The following PLCE1 variants were observed in gnomAD, a reference collection of about 807,000 sequenced individuals.
PLCE1 encodes the protein phospholipase C epsilon 1, also known as 1-phosphatidylinositol 4,5-bisphosphate phosphodiesterase epsilon-1.
A neutral mutation model predicts 242.8 loss-of-function variants in PLCE1; 119 were observed. The ratio of observed to expected loss-of-function variants is 0.49; its 90% CI spans 0.42 to 0.57. PLCE1 has a LOEUF of 0.57. Among genes scored for constraint, PLCE1 ranks in the 20% least tolerant of loss-of-function variants. The probability of loss-of-function intolerance (pLI) is 0.00; values close to 1 mark genes in which losing one functional copy is unlikely to be tolerated. For synonymous variants in PLCE1, 945 were observed against 1,017.4 expected (o/e 0.93, Z 1.35); for missense variants, 2,441 against 2,788.8 (o/e 0.88, Z 2.81).
chr10:93,999,967 G>A (rs879317415), intron 1 of PLCE1, among the ~76,000 whole-genome samples: 15 of 152,172 alleles, frequency 9.9e-5, no homozygotes, highest in Admixed American at 8.5e-4. Context: ...GGCTGCTTTT[G>A]TCTCTCAAGC....
At chr10:94,107,035 C>A (rs1381605420) in intron 2 of PLCE1, 1 of 140,916 alleles carries the variant, frequency 7.1e-6, no homozygotes, top group Non-Finnish European at 1.5e-5. Flanking sequence ...TTCTTTGATA[C>A]AATATTCACA....
intron 11 of PLCE1, among the ~76,000 whole-genome samples, chr10:94,256,405 A>C (rs2051104455): frequency 6.6e-6 from 1 of 152,032 alleles, no homozygotes; most frequent in South Asian, 2.1e-4. Context: ...ACAGTAAATT[A>C]TCTTTTAAAT....
At position 94,135,679 on chromosome 10, in the gene PLCE1, C is replaced by T. The variant is rs951410277; in HGVS notation, c.1492+3220C>T. Among the ~76,000 whole-genome samples, 7 of 152,028 alleles carry T rather than the reference C, an allele frequency of 4.6e-5. 1 individual carries two copies. The highest frequency in any genetic ancestry group is 7.4e-5 in the Non-Finnish European group (5 of 68,002). On this transcript the variant is annotated intron_variant, in intron 3 of 32. Transcript: ENST00000371380. ...ACAGTTGTGATCTGCACATTTCCCA[C>T]GAAATAAAGAGGAAAACACTATTGT...
intron 2 of PLCE1, among the ~76,000 whole-genome samples, chr10:94,069,581 C>G (rs1190249735): frequency 6.6e-6 from 1 of 152,120 alleles, no homozygotes; most frequent in Non-Finnish European, 1.5e-5. Flanking sequence ...CCACTGCACT[C>G]CAGCCTGGGC....
chr10:94,164,574 G>A (rs2047728557), intron 3 of PLCE1, among the ~76,000 whole-genome samples: 1 of 152,046 alleles, frequency 6.6e-6, no homozygotes, highest in East Asian at 1.9e-4. Context: ...CTTTGCCCTG[G>A]GTTTGAACTT....
chr10:94,303,003 A>G (rs2053089146), intron 24 of PLCE1, among the ~76,000 whole-genome samples: 1 of 152,242 alleles, frequency 6.6e-6, no homozygotes, highest in Non-Finnish European at 1.5e-5. Context: ...GTGAGGCAGC[A>G]TGGCCACAAT....
intron 8 of PLCE1, among the ~76,000 whole-genome samples, chr10:94,248,667 T>C (rs1223598880): frequency 1.6e-5 from 2 of 128,694 alleles, no homozygotes; most frequent in African/African-American, 6.0e-5. Flanking sequence ...TGTACTCAGC[T>C]GGAAAAAAAA....
At chr10:94,282,476 G>T (rs1015812198) in intron 20 of PLCE1, among the ~76,000 whole-genome samples, 1 of 152,208 alleles carries the variant, frequency 6.6e-6, no homozygotes, top group South Asian at 2.1e-4. Context: ...ACAATTCCAA[G>T]AAATTAATCT....
intron 4 of PLCE1, among the ~76,000 whole-genome samples, chr10:94,184,756 T>C (rs1379104296): frequency 6.6e-6 from 1 of 152,234 alleles, no homozygotes; most frequent in Non-Finnish European, 1.5e-5. Flanking sequence ...TTGTTGCCTC[T>C]GCAAAAGACC....
At chr10:94,176,380 A>G (rs1467092089) in intron 4 of PLCE1, among the ~76,000 whole-genome samples, 2 of 152,168 alleles carry the variant, frequency 1.3e-5, no homozygotes, top group Admixed American at 1.3e-4. Context: ...AGCCTGAGCA[A>G]CAGAGTAAGT....
chr10:94,050,403 C>A (rs966491687), intron 2 of PLCE1, among the ~76,000 whole-genome samples: 4 of 152,112 alleles, frequency 2.6e-5, no homozygotes, highest in African/African-American at 9.7e-5. Flanking sequence ...GGGGAAACTT[C>A]CCCCATGATG....
intron 2 of PLCE1, among the ~76,000 whole-genome samples, chr10:94,088,664 C>T (rs964981540): frequency 1.3e-5 from 2 of 152,226 alleles, no homozygotes; most frequent in African/African-American, 4.8e-5. Flanking sequence ...TGCTATTCTG[C>T]AGCATGGCAG....
intron 2 of PLCE1, among the ~76,000 whole-genome samples, chr10:94,115,742 T>C (rs1488716721): frequency 6.6e-6 from 1 of 152,232 alleles, no homozygotes; most frequent in Non-Finnish European, 1.5e-5. Flanking sequence ...TAGTTTCTTT[T>C]GCTGGTTCTT....
At chr10:94,043,801 T>C (rs2061823033) in intron 2 of PLCE1, among the ~76,000 whole-genome samples, 1 of 152,200 alleles carries the variant, frequency 6.6e-6, no homozygotes. Flanking sequence ...GGCAGTGTAA[T>C]GATGGTATGA....
At chr10:94,281,919 C>G (rs1431080725) in intron 20 of PLCE1, among the ~76,000 whole-genome samples, 4 of 151,756 alleles carry the variant, frequency 2.6e-5, no homozygotes, top group African/African-American at 9.7e-5. Context: ...TCCACTTTCT[C>G]CAGCAGGGAT....
chr10:94,182,673 A>T (rs2048351499), intron 4 of PLCE1, among the ~76,000 whole-genome samples: 1 of 151,730 alleles, frequency 6.6e-6, no homozygotes, highest in Non-Finnish European at 1.5e-5. Flanking sequence ...TACAAAATGG[A>T]GGATGTGATT....
chr10:94,101,580 C>T (rs2135494186), intron 2 of PLCE1, among the ~76,000 whole-genome samples: 1 of 152,276 alleles, frequency 6.6e-6, no homozygotes, highest in South Asian at 2.1e-4. Context: ...AGCAAGTGGG[C>T]ATTTGAAAAC....
intron 2 of PLCE1, among the ~76,000 whole-genome samples, chr10:94,103,859 G>A (rs760441062): frequency 6.6e-6 from 1 of 152,174 alleles, no homozygotes; most frequent in Non-Finnish European, 1.5e-5. Context: ...CAGACTTCAA[G>A]GCTAGTAGGC....
At chr10:94,200,598 T>C (rs1246680768) in intron 4 of PLCE1, among the ~76,000 whole-genome samples, 1 of 152,222 alleles carries the variant, frequency 6.6e-6, no homozygotes, top group African/African-American at 2.4e-5. Context: ...CTCCACCCTC[T>C]AGAAGGTGGA....
Sources: gnomAD v4.1 joint callset for allele counts (sites outside exome capture counted in the v4.1 genomes callset) on GRCh38, gnomAD v4.1.1 for gene constraint, MANE v1.5 for transcripts, NCBI Gene and HGNC (gene_info 2026-07-23, HGNC 2026-07-21) for gene names.